Variants in ECE1 observed in about 807,000 individuals in gnomAD.
ECE1 encodes the protein endothelin-converting enzyme 1.
Under a neutral mutation model 98.6 loss-of-function variants are expected in ECE1, and 35 were observed. The observed-to-expected ratio is 0.35, with a 90% CI of 0.27 to 0.47. ECE1 has a LOEUF of 0.47. Ranked by LOEUF, ECE1 falls within the 20% of genes least tolerant of loss-of-function variation. The pLI, the probability that ECE1 is intolerant of heterozygous loss-of-function variation, is 1.00. For synonymous variants in ECE1, 394 were observed against 407.1 expected (o/e 0.97, Z 0.39); for missense variants, 814 against 1,025.3 (o/e 0.79, Z 2.81).
chr1:21,248,685 C>T (rs1268670023), intron 8 of ECE1, among the ~76,000 whole-genome samples: 8 of 151,338 alleles, frequency 5.3e-5, no homozygotes, highest in African/African-American at 1.9e-4. Context: ...AGTGCAGTGG[C>T]GTGATCTCAG....
At chr1:21,344,590 C>A (rs1195207537) in intron 1 of ECE1, among the ~76,000 whole-genome samples, 1 of 152,172 alleles carries the variant, frequency 6.6e-6, no homozygotes. Context: ...CCAGGAAGCC[C>A]AGCCTGGATC....
chr1:21,241,255 C>T (rs1443754239), intron 10 of ECE1, among the ~76,000 whole-genome samples: 1 of 151,902 alleles, frequency 6.6e-6, no homozygotes, highest in Non-Finnish European at 1.5e-5. Flanking sequence ...AGTCTGGTCT[C>T]GAACTCCTGA....
intron 7 of ECE1, 94 bp downstream of exon 7, chr1:21,257,431 C>T (rs2098221230): frequency 1.4e-6 from 2 of 1,422,638 alleles, no homozygotes; most frequent in Non-Finnish European, 2.0e-6. Flanking sequence ...CCCTGGGCTC[C>T]CCTAGCTTCA....
intron 4 of ECE1, among the ~76,000 whole-genome samples, chr1:21,265,198 T>A (rs577359705): frequency 1.3e-5 from 2 of 152,292 alleles, no homozygotes; most frequent in East Asian, 3.9e-4. Flanking sequence ...AATAAAGGAA[T>A]GAATGACAGA....
intron 5 of ECE1, among the ~76,000 whole-genome samples, chr1:21,259,512 T>C (rs1190191026): frequency 6.6e-6 from 1 of 152,138 alleles, no homozygotes; most frequent in East Asian, 1.9e-4. Context: ...GTGATCCTCC[T>C]GCCTCAGCCT....
chr1:21,231,780 T>C (rs939655188), intron 14 of ECE1, among the ~76,000 whole-genome samples: 1 of 152,162 alleles, frequency 6.6e-6, no homozygotes, highest in African/African-American at 2.4e-5. Flanking sequence ...GTCCAGCTAA[T>C]TTTTTAAATT....
chr1:21,321,769 C>T (rs1294486239), intron 1 of ECE1, among the ~76,000 whole-genome samples: 1 of 152,180 alleles, frequency 6.6e-6, no homozygotes, highest in Non-Finnish European at 1.5e-5. Context: ...GCACGTGCCA[C>T]CACACCCGGC....
At chr1:21,285,993 A>G (rs1228879183) in intron 2 of ECE1, among the ~76,000 whole-genome samples, 1 of 150,756 alleles carries the variant, frequency 6.6e-6, no homozygotes, top group Non-Finnish European at 1.5e-5. Context: ...TCTGTCTCAA[A>G]AAAAAAAAAA....
chr1:21,266,623 G>C (rs188290539), intron 4 of ECE1: 5 of 152,346 alleles, frequency 3.3e-5, no homozygotes, highest in Admixed American at 1.3e-4. Context: ...GGCAGAGCTA[G>C]CGGGTAGCAT....
chr1:21,234,955 T>G (rs576222927), intron 13 of ECE1, among the ~76,000 whole-genome samples: 66 of 152,352 alleles, frequency 4.3e-4, no homozygotes, highest in African/African-American at 1.5e-3. Flanking sequence ...ATGAGTCTCA[T>G]GATCTCAGAA....
At chr1:21,328,129 G>A (rs1558435211) in intron 1 of ECE1, among the ~76,000 whole-genome samples, 1 of 152,164 alleles carries the variant, frequency 6.6e-6, no homozygotes, top group Non-Finnish European at 1.5e-5. Context: ...CTCACCCCAG[G>A]ACCTTTGCAC....
chr1:21,272,654 CT>C, intron 4 of ECE1, 44 bp downstream of exon 4: 1 of 1,610,986 alleles, frequency 6.2e-7, no homozygotes, highest in South Asian at 1.1e-5. Context: ...CAGCTGACAG[CT>C]CCCCGCTGTG....
Position 21,336,792 on chromosome 1 carries a change from G to A in ECE1, c.3+8584C>T, listed in dbSNP as rs548319513. Among the ~76,000 whole-genome samples the A allele has an allele frequency of 5.3e-4, 81 of 152,308 alleles. No individual in the cohort carries two copies. The Middle Eastern group carries it at 0.02, about 38-fold the overall frequency. ...CAAAAGGTGGAGCTTGCAGTGAGCC[G>A]AGATCGCGCCACTGCACTCCAGCTT... On this transcript the variant is annotated intron_variant, in intron 1 of 18. Transcript: ENST00000415912.
At chr1:21,227,011 A>T in intron 16 of ECE1, 148 bp downstream of exon 16, 2 of 759,394 alleles carry the variant, frequency 2.6e-6, no homozygotes, top group Non-Finnish European at 2.2e-6. Context: ...GGCATAATCC[A>T]TCATGCACAG....
chr1:21,335,253 T>C (rs1047361720), intron 1 of ECE1, among the ~76,000 whole-genome samples: 2 of 151,856 alleles, frequency 1.3e-5, no homozygotes, highest in African/African-American at 4.8e-5. Context: ...GCCGCTCCTC[T>C]AGAGCGGCCC....
At position 21,335,153 on chromosome 1, in the gene ECE1, C is replaced by T. The variant is rs574202444; in HGVS notation, c.3+10223G>A. On this transcript the variant is annotated intron_variant, in intron 1 of 18. Coordinates refer to the ECE1 transcript ENST00000415912. The stretch of plus-strand genomic sequence containing the variant: ...GTGCCAAACTTGCTGTTCCGGCAGC[C>T]GGGAACTCTCATCTCCCCCGCCCCC... 3.9e-5 allele frequency among the ~76,000 whole-genome samples: 6 copies of T among 152,196 alleles called. No homozygotes were observed. The South Asian group carries it at 1.2e-3, about 32-fold the overall frequency.
intron 7 of ECE1, 47 bp from the exon 8 acceptor site, chr1:21,256,185 C>T (rs767519795): frequency 1.9e-6 from 3 of 1,562,946 alleles, no homozygotes; most frequent in East Asian, 2.3e-5. Flanking sequence ...CCCCCACTAT[C>T]CACTGGACGA....
chr1:21,303,907 T>A (rs934358781), intron 1 of ECE1, among the ~76,000 whole-genome samples: 4 of 151,656 alleles, frequency 2.6e-5, no homozygotes, highest in Non-Finnish European at 5.9e-5. Flanking sequence ...TGCCTCGACC[T>A]CCCAAAGTGT....
At chr1:21,333,535 G>A (rs1193857732) in intron 1 of ECE1, among the ~76,000 whole-genome samples, 2 of 152,180 alleles carry the variant, frequency 1.3e-5, no homozygotes, top group African/African-American at 2.4e-5. Flanking sequence ...AGGAGGTTAG[G>A]ATGACAGAGC....
Sources: gnomAD v4.1 joint callset for allele counts (sites outside exome capture counted in the v4.1 genomes callset) on GRCh38, gnomAD v4.1.1 for gene constraint, MANE v1.5 for transcripts, NCBI Gene and HGNC (gene_info 2026-07-23, HGNC 2026-07-21) for gene names.